The following EPB41L4A variants were observed in gnomAD, a reference collection of about 807,000 sequenced individuals.
EPB41L4A encodes band 4.1-like protein 4A.
EPB41L4A carries 100 observed loss-of-function variants against 108.6 expected under a neutral mutation model. The observed-to-expected ratio is 0.92, with a 90% CI of 0.78 to 1.09. The LOEUF (loss-of-function observed/expected upper bound fraction) is 1.09. Among genes scored for constraint, EPB41L4A ranks in the 50% least tolerant of loss-of-function variants. EPB41L4A has a pLI of 0.00. For missense variants in EPB41L4A, 1,030 were observed against 842.7 expected (o/e 1.22, Z -2.75); for synonymous variants, 319 against 289.0 (o/e 1.10, Z -1.05).
intron 1 of EPB41L4A, among the ~76,000 whole-genome samples, chr5:112,390,478 A>C (rs966946063): frequency 4.1e-4 from 63 of 152,244 alleles, no homozygotes; most frequent in African/African-American, 1.4e-3. Flanking sequence ...CTGTGAGCTG[A>C]CAGCCTGGGT....
intron 1 of EPB41L4A, among the ~76,000 whole-genome samples, chr5:112,315,881 AT>A (rs1561564920): frequency 6.6e-6 from 1 of 152,204 alleles, no homozygotes; most frequent in African/African-American, 2.4e-5. Flanking sequence ...GGAGCACCTG[AT>A]TTTTTATAAC....
chr5:112,194,286 A>C (rs2150262316), intron 17 of EPB41L4A, among the ~76,000 whole-genome samples: 1 of 152,292 alleles, frequency 6.6e-6, no homozygotes, highest in South Asian at 2.1e-4. Context: ...CCTTAGAGAA[A>C]TTCACTACAC....
intron 9 of EPB41L4A, among the ~76,000 whole-genome samples, chr5:112,242,906 T>C (rs866878442): frequency 2.6e-5 from 4 of 152,090 alleles, no homozygotes; most frequent in African/African-American, 4.8e-5. Flanking sequence ...GATATCAACA[T>C]TGGGCTTAAT....
intron 12 of EPB41L4A, among the ~76,000 whole-genome samples, chr5:112,215,421 G>C (rs1747551053): frequency 6.6e-6 from 1 of 152,182 alleles, no homozygotes; most frequent in Non-Finnish European, 1.5e-5. Context: ...AGGCCACTTA[G>C]AATTAATCAA....
At position 112,378,488 on chromosome 5, in the gene EPB41L4A, T is replaced by C. The variant is rs964411187; in HGVS notation, c.99+40453A>G. 2.0e-5 allele frequency among the ~76,000 whole-genome samples: 3 copies of C among 152,288 alleles called. No individual in the cohort carries two copies. The East Asian group carries it at 5.8e-4, about 29-fold the overall frequency. ...ATAAATTATATCTTAACAATACAGA[T>C]TAACAGCCATAAGAAATATAGAGAA... On this transcript the variant is annotated intron_variant, in intron 1 of 22. Coordinates refer to ENST00000261486, the MANE Select transcript of EPB41L4A (RefSeq NM_022140.5).
At chr5:112,210,413 AAACCTGAAAATATCCC>A (rs1279247617) in intron 12 of EPB41L4A, among the ~76,000 whole-genome samples, 2 of 152,210 alleles carry the variant, frequency 1.3e-5, no homozygotes, top group Non-Finnish European at 2.9e-5. Context: ...AAAAAACTTC[AAACCTGAAAATATCCC>A]AACTCATAAT....
rs554892874 is a variant in EPB41L4A at position 112,204,496 on chromosome 5, G to A, written c.1263-8C>T. The A allele has an allele frequency of 2.5e-6, 4 of 1,591,232 alleles. No homozygotes were observed. The African/African-American group carries it at 4.0e-5, about 16-fold the overall frequency. On this transcript the variant is annotated splice_region_variant and splice_polypyrimidine_tract_variant and intron_variant, in intron 14 of 22. Transcript: ENST00000261486. ...GGAGAATTGTAGAGTCCACTGGAGA[G>A]AAAGAAAAATGGTCAAAAAGAGCCC... is the stretch of plus-strand genomic sequence containing the variant.
At chr5:112,417,155 G>A (rs1762765880) in intron 1 of EPB41L4A, among the ~76,000 whole-genome samples, 1 of 152,150 alleles carries the variant, frequency 6.6e-6, no homozygotes. Context: ...CCAATTTTCA[G>A]CCCATTTGTA....
chr5:112,143,968 C>T, intron 13 of EPB41L4A: 2 of 413,640 alleles, frequency 4.8e-6, no homozygotes, highest in Non-Finnish European at 9.9e-6. Context: ...ATGCTATGGC[C>T]ACCCTCCAAT....
chr5:112,372,388 T>A (rs974554046), intron 1 of EPB41L4A, among the ~76,000 whole-genome samples: 4 of 152,036 alleles, frequency 2.6e-5, no homozygotes, highest in Admixed American at 1.3e-4. Flanking sequence ...ACCCTTGACA[T>A]GGGGATTATT....
At chr5:112,263,375 G>A (rs188297765) in intron 6 of EPB41L4A, 25 of 152,222 alleles carry the variant, frequency 1.6e-4, no homozygotes, top group African/African-American at 4.8e-4. Flanking sequence ...AACCACCAAC[G>A]TACCATACTT....
chr5:112,240,616 G>A (rs1002908298), intron 10 of EPB41L4A, 103 bp downstream of exon 10: 5 of 631,062 alleles, frequency 7.9e-6, no homozygotes, highest in African/African-American at 7.7e-5. Context: ...ATTAATAAAA[G>A]GGAAACAATT....
At chr5:112,242,595 TC>T (rs1749873743) in intron 9 of EPB41L4A, among the ~76,000 whole-genome samples, 1 of 152,228 alleles carries the variant, frequency 6.6e-6, no homozygotes, top group Admixed American at 6.5e-5. Flanking sequence ...CTGCCATAAA[TC>T]ATAAATTATC....
chr5:112,390,601 C>G (rs1022043891), intron 1 of EPB41L4A, among the ~76,000 whole-genome samples: 1 of 152,218 alleles, frequency 6.6e-6, no homozygotes, highest in Non-Finnish European at 1.5e-5. Flanking sequence ...ACTCTGTAGA[C>G]TCCACCTCTG....
At chr5:112,245,684 T>A (rs972059318) in intron 9 of EPB41L4A, among the ~76,000 whole-genome samples, 1 of 152,188 alleles carries the variant, frequency 6.6e-6, no homozygotes, top group African/African-American at 2.4e-5. Flanking sequence ...TGAGGTCCCA[T>A]GGGACACCTA....
At chr5:112,186,896 A>G (rs566960643) in intron 17 of EPB41L4A, among the ~76,000 whole-genome samples, 35 of 152,334 alleles carry the variant, frequency 2.3e-4, no homozygotes, top group African/African-American at 7.9e-4. Context: ...AGGCAGGAGT[A>G]ACTATTTTGT....
In EPB41L4A at chr5:112,314,505, T is replaced by TAAAAA. The variant is rs552428109; in HGVS notation, c.100-7020_100-7016dup. Among the ~76,000 whole-genome samples the TAAAAA allele has an allele frequency of 2.2e-3, 123 of 55,190 alleles. 2 individuals carry two copies. Among genetic ancestry groups the TAAAAA allele is most frequent in the African/African-American group, 4.6e-3 (58 of 12,560 alleles). The allele number at this position is 55,190 out of a possible 152,430, so 36.2% of individuals were successfully genotyped here. On this transcript the variant is annotated intron_variant, in intron 1 of 22. Transcript: ENST00000261486. ...CAACAATGTGAAACCCCATCGCTACTAAAAAAAAAAAAAAAAAAAAAAAAA... is the reference window on the plus strand; with the variant it reads ...CAACAATGTGAAACCCCATCGCTACTAAAAAAAAAAAAAAAAAAAAAAAAAAAAAA...
chr5:112,297,934 TA>T (rs548382449), intron 2 of EPB41L4A, among the ~76,000 whole-genome samples: 91 of 152,284 alleles, frequency 6.0e-4, no homozygotes, highest in Non-Finnish European at 1.2e-3. Flanking sequence ...GTCAGTTGGC[TA>T]TAAGTATTTG....
chr5:112,385,908 T>A (rs1269216915), intron 1 of EPB41L4A, among the ~76,000 whole-genome samples: 1 of 152,226 alleles, frequency 6.6e-6, no homozygotes, highest in Non-Finnish European at 1.5e-5. Context: ...TACTTGAAAC[T>A]AGGACATTAC....
Sources: allele counts gnomAD v4.1 joint callset (sites outside exome capture counted in the v4.1 genomes callset), GRCh38; gene constraint gnomAD v4.1.1; transcripts MANE v1.5; gene names NCBI Gene and HGNC (gene_info 2026-07-23, HGNC 2026-07-21).